Variants in LRRC37B observed in about 807,000 individuals in gnomAD.
LRRC37B encodes leucine-rich repeat-containing protein 37B.
Under a neutral mutation model 98.3 loss-of-function variants are expected in LRRC37B, and 28 were observed. That is an observed-to-expected ratio of 0.28 (90% CI 0.21 to 0.39). The LOEUF (loss-of-function observed/expected upper bound fraction) is 0.39, where lower values mean the gene tolerates loss of function less well. Ranked by LOEUF, LRRC37B falls within the 10% of genes least tolerant of loss-of-function variation. The probability of loss-of-function intolerance (pLI) is 1.00; values close to 1 mark genes in which losing one functional copy is unlikely to be tolerated. For synonymous variants in LRRC37B, 364 were observed against 442.7 expected (o/e 0.82, Z 2.23); for missense variants, 938 against 1,182.7 (o/e 0.79, Z 3.03).
chr17:32,050,698 C>G (rs1375787347), intron 11 of LRRC37B: 2 of 151,934 alleles, frequency 1.3e-5, no homozygotes, highest in Non-Finnish European at 2.9e-5. Flanking sequence ...GTCTCATACT[C>G]CAGCCCTCCT....
upstream of LRRC37B, among the ~76,000 whole-genome samples, chr17:32,018,610 A>T (rs568348221): frequency 3.3e-5 from 5 of 152,202 alleles, no homozygotes; most frequent in East Asian, 9.7e-4. Context: ...GGAGTAAGGG[A>T]TGCTGGGCTG....
chr17:32,037,500 A>G (rs559189987), intron 7 of LRRC37B, among the ~76,000 whole-genome samples: 53 of 152,168 alleles, frequency 3.5e-4, no homozygotes, highest in Admixed American at 2.6e-4. Context: ...TCCTGGCCTC[A>G]TTTGATTCAC....
At chr17:32,026,132 T>C (rs576191656) in intron 2 of LRRC37B, among the ~76,000 whole-genome samples, 1 of 152,370 alleles carries the variant, frequency 6.6e-6, no homozygotes, top group South Asian at 2.1e-4. Flanking sequence ...GAAAAAATGC[T>C]TACATTCAAA....
At chr17:32,043,313 C>A (rs1911495073) in intron 7 of LRRC37B, among the ~76,000 whole-genome samples, 1 of 152,178 alleles carries the variant, frequency 6.6e-6, no homozygotes, top group African/African-American at 2.4e-5. Flanking sequence ...GTAATCCCAG[C>A]ACTTTGGGAG....
intron 7 of LRRC37B, chr17:32,042,105 C>A (rs1214837533): frequency 3.2e-6 from 1 of 315,968 alleles, no homozygotes; most frequent in Non-Finnish European, 6.3e-6. Context: ...CAGAGGGCCT[C>A]ACTGTTTCCC....
intron 7 of LRRC37B, 39 bp from the exon 11 acceptor site, chr17:32,045,661 C>T: frequency 6.2e-7 from 1 of 1,602,638 alleles, no homozygotes; most frequent in Non-Finnish European, 8.5e-7. Flanking sequence ...CAAGTAACCG[C>T]TTTACCACTA....
At chr17:32,038,941 C>T (rs1567617582) in intron 7 of LRRC37B, among the ~76,000 whole-genome samples, 3 of 152,170 alleles carry the variant, frequency 2.0e-5, no homozygotes, top group African/African-American at 7.2e-5. Flanking sequence ...TTTAAGTTAG[C>T]AATTTTTTCT....
chr17:32,049,193 C>A (rs1365519431), exon 10 of LRRC37B: 1 of 1,613,984 alleles, frequency 6.2e-7, no homozygotes, highest in African/African-American at 1.3e-5. Flanking sequence ...TTATCCGGAC[C>A]TTGAAAATGG....
At chr17:32,008,704 G>A (rs1910464965) in intron 1 of LRRC37B, among the ~76,000 whole-genome samples, 2 of 152,208 alleles carry the variant, frequency 1.3e-5, no homozygotes, top group Non-Finnish European at 2.9e-5. Context: ...ATTTTGGTTA[G>A]TAGGGGAACT....
chr17:32,026,415 T>C (rs1910954068), intron 2 of LRRC37B, among the ~76,000 whole-genome samples: 1 of 152,208 alleles, frequency 6.6e-6, no homozygotes, highest in Non-Finnish European at 1.5e-5. Flanking sequence ...CTTGGGAAGC[T>C]GAGGCAGGAG....
rs550504262 is a variant in LRRC37B at position 32,030,624 on chromosome 17, T to C, written c.1905-32T>C. 3 of 1,418,712 alleles carry C rather than the reference T, an allele frequency of 2.1e-6. No homozygotes were observed. In the African/African-American group the frequency reaches 4.3e-5, roughly 20 times the overall value. 87.9% of individuals were successfully genotyped at this position (1,418,712 alleles called of 1,614,324 possible). A position where few individuals can be genotyped will look rare whatever the true frequency, so the allele number is the denominator to read the frequency against. Reference sequence around the variant, plus strand: ...CATACCAGTCAACACTGATAACTTATCAAGGCAATATTTTCCTTTTATTTT... The same window carrying C: ...CATACCAGTCAACACTGATAACTTACCAAGGCAATATTTTCCTTTTATTTT... On this transcript the variant is annotated intron_variant, in intron 3 of 11. Coordinates refer to ENST00000327564, the Ensembl canonical transcript of LRRC37B.
At chr17:32,027,197 G>A (rs1396298621) in intron 2 of LRRC37B, among the ~76,000 whole-genome samples, 2 of 152,198 alleles carry the variant, frequency 1.3e-5, no homozygotes, top group Non-Finnish European at 2.9e-5. Flanking sequence ...GGAGAAGAGA[G>A]GAGGAAATGG....
intron 1 of LRRC37B, among the ~76,000 whole-genome samples, chr17:32,009,372 C>T (rs1259389548): frequency 2.0e-5 from 3 of 152,052 alleles, no homozygotes; most frequent in Non-Finnish European, 2.9e-5. Context: ...AGCCATCCTC[C>T]CACCTCCCAG....
exon 10 of LRRC37B, chr17:32,049,378 A>C: frequency 6.2e-7 from 1 of 1,609,984 alleles, no homozygotes; most frequent in Non-Finnish European, 8.5e-7. Context: ...GAACAGAAAG[A>C]GCAGAAGTCA....
intron 7 of LRRC37B, among the ~76,000 whole-genome samples, chr17:32,039,613 A>G (rs1303647109): frequency 1.5e-5 from 2 of 137,370 alleles, no homozygotes; most frequent in Admixed American, 7.9e-5. Context: ...ATATATATAT[A>G]TATATTTCTG....
At chr17:32,037,951 C>T (rs374105712) in intron 7 of LRRC37B, among the ~76,000 whole-genome samples, 69 of 152,054 alleles carry the variant, frequency 4.5e-4, no homozygotes, top group African/African-American at 1.6e-3. Flanking sequence ...ACTAAATACA[C>T]ACACACACAC....
chr17:32,033,383 TGAGGAAAGAAAGAGA>T (rs945091361), intron 5 of LRRC37B, among the ~76,000 whole-genome samples: 4 of 146,022 alleles, frequency 2.7e-5, no homozygotes, highest in Non-Finnish European at 6.1e-5. Flanking sequence ...GGGAGGGAAA[TGAGGAAAGAAAGAGA>T]AAGAAAGAAA....
upstream of LRRC37B, among the ~76,000 whole-genome samples, chr17:32,019,219 G>T (rs539545357): frequency 1.3e-5 from 2 of 152,150 alleles, no homozygotes; most frequent in Non-Finnish European, 2.9e-5. Flanking sequence ...GAGCCGCTGC[G>T]CCTGGGCCCC....
intron 5 of LRRC37B, among the ~76,000 whole-genome samples, chr17:32,032,729 C>T (rs1911143206): frequency 6.6e-6 from 1 of 152,216 alleles, no homozygotes; most frequent in African/African-American, 2.4e-5. Flanking sequence ...GGAAGACACA[C>T]TGAGGGTCTG....
Sources: allele counts gnomAD v4.1 joint callset (sites outside exome capture counted in the v4.1 genomes callset), GRCh38; gene constraint gnomAD v4.1.1; transcripts MANE v1.5; gene names NCBI Gene and HGNC (gene_info 2026-07-23, HGNC 2026-07-21).